Variants in GABRA4 observed in about 807,000 individuals in gnomAD.
The protein encoded by GABRA4 is gamma-aminobutyric acid receptor subunit alpha-4.
In GABRA4, 12 loss-of-function variants were observed where a neutral mutation model predicts 49.7. The ratio of observed to expected loss-of-function variants is 0.24; its 90% CI spans 0.15 to 0.39. The LOEUF (loss-of-function observed/expected upper bound fraction) is 0.39. GABRA4 is among the 10% of genes least tolerant of loss of function. The probability of loss-of-function intolerance (pLI) is 1.00; values close to 1 mark genes in which losing one functional copy is unlikely to be tolerated. For missense variants in GABRA4, 506 were observed against 686.0 expected, an observed-to-expected ratio of 0.74 and a Z score of 2.93; for synonymous variants, 288 against 240.2, an observed-to-expected ratio of 1.20 and a Z score of -1.84.
chr4:46,983,284 C>G (rs1028213369), intron 2 of GABRA4, among the ~76,000 whole-genome samples: 1 of 152,068 alleles, frequency 6.6e-6, no homozygotes, highest in Non-Finnish European at 1.5e-5. Context: ...CTGCTTTGTT[C>G]ATTAGTTTCT....
chr4:46,960,167 GA>G (rs1175706152), intron 8 of GABRA4, among the ~76,000 whole-genome samples: 1 of 151,128 alleles, frequency 6.6e-6, no homozygotes, highest in African/African-American at 2.4e-5. Flanking sequence ...AGAATTTGAG[GA>G]AAAAACATTA....
At chr4:46,938,114 G>T (rs893214804) in intron 8 of GABRA4, among the ~76,000 whole-genome samples, 18 of 152,116 alleles carry the variant, frequency 1.2e-4, no homozygotes, top group African/African-American at 3.4e-4. Context: ...AATATATATA[G>T]AGAGAGATCT....
In GABRA4 at chr4:46,919,969, C is replaced by T. The variant is rs911811635; in HGVS notation, c.*8256G>A. ...TTATCAACCAACAATTATTTTTCTG[C>T]CCCTTGAAAAATGAAAGCTCTGATT... On this transcript the variant is annotated 3_prime_UTR_variant, in exon 9 of 9. Transcript: ENST00000264318. The T allele has an allele frequency of 6.6e-6, 1 of 151,630 alleles. No homozygotes were observed. The highest frequency in any genetic ancestry group is 2.4e-5 in the African/African-American group (1 of 41,374). The allele number at this position is 151,630 out of a possible 1,614,324, so 9.4% of individuals were successfully genotyped here.
At chr4:46,936,309 G>A (rs1370382320) in intron 8 of GABRA4, among the ~76,000 whole-genome samples, 1 of 152,080 alleles carries the variant, frequency 6.6e-6, no homozygotes, top group Admixed American at 6.6e-5. Flanking sequence ...GAGTGCAATG[G>A]CGTAATCTTG....
chr4:46,986,837 G>C (rs1309885870), intron 2 of GABRA4, among the ~76,000 whole-genome samples: 3 of 152,032 alleles, frequency 2.0e-5, no homozygotes, highest in Non-Finnish European at 4.4e-5. Flanking sequence ...AATCAGCTTT[G>C]ACACCTCCCT....
In GABRA4 at chr4:46,925,663, T is replaced by TA; in HGVS notation, c.*2561dup. 1 of 150,532 alleles carries TA rather than the reference T, an allele frequency of 6.6e-6. No individual in the cohort carries two copies. The allele number at this position is 150,532 out of a possible 1,614,324, so 9.3% of individuals were successfully genotyped here. A position where few individuals can be genotyped will look rare whatever the true frequency, so the allele number is the denominator to read the frequency against. On this transcript the variant is annotated 3_prime_UTR_variant, in exon 9 of 9. Coordinates refer to ENST00000264318, the MANE Select transcript of GABRA4 (RefSeq NM_000809.4). ...GGGAAGATAGAAATAATGACCAAAA[T>TA]AAAAATCACTGAATGAATTTGATGA...
At chr4:46,949,716 G>T (rs947734428) in intron 8 of GABRA4, among the ~76,000 whole-genome samples, 1 of 152,036 alleles carries the variant, frequency 6.6e-6, no homozygotes, top group Non-Finnish European at 1.5e-5. Context: ...TGATGCAAGG[G>T]ATATTACCTA....
At chr4:46,965,261 C>G in intron 7 of GABRA4, 32 bp from the exon 8 acceptor site, 1 of 1,383,152 alleles carries the variant, frequency 7.2e-7, no homozygotes, top group South Asian at 2.1e-5. Context: ...AGACAAAACA[C>G]CTTACCATCA....
rs1006619357 is a variant in GABRA4 at position 46,923,421 on chromosome 4, T to G, written c.*4804A>C. The stretch of plus-strand genomic sequence containing the variant: ...CTTCTACATTTATAAAACTCTGTCT[T>G]TTAATCAAGCAATCTACTCTTCTAG... On this transcript the variant is annotated 3_prime_UTR_variant, in exon 9 of 9. Transcript: ENST00000264318. 11 of 152,174 alleles carry G rather than the reference T, an allele frequency of 7.2e-5. No individual in the cohort carries two copies. The highest frequency in any genetic ancestry group is 1.3e-4 in the Non-Finnish European group (9 of 68,016). 9.4% of individuals were successfully genotyped at this position (152,174 alleles called of 1,614,324 possible).
chr4:46,939,230 C>T (rs1721708937), intron 8 of GABRA4, among the ~76,000 whole-genome samples: 1 of 151,910 alleles, frequency 6.6e-6, no homozygotes, highest in South Asian at 2.1e-4. Context: ...CTAAATTTCC[C>T]TTCTCTTCTT....
intron 2 of GABRA4, among the ~76,000 whole-genome samples, chr4:46,988,885 T>A (rs1023430413): frequency 6.6e-6 from 1 of 152,060 alleles, no homozygotes; most frequent in African/African-American, 2.4e-5. Flanking sequence ...CACCAAGGAG[T>A]AGCTATAAAA....
chr4:46,922,869 C>G lies in GABRA4; in HGVS notation c.*5356G>C, dbSNP rs1393954430. 1 of 152,120 alleles carries G rather than the reference C, an allele frequency of 6.6e-6. No individual in the cohort carries two copies. The highest frequency in any genetic ancestry group is 1.5e-5 in the Non-Finnish European group (1 of 68,004). 9.4% of individuals were successfully genotyped at this position (152,120 alleles called of 1,614,324 possible). On this transcript the variant is annotated 3_prime_UTR_variant, in exon 9 of 9. Coordinates refer to ENST00000264318, the MANE Select transcript of GABRA4 (RefSeq NM_000809.4). ...GTTACAGAGCAGTGGTCCCCAACCC[C>G]TGGGCCACTGACCAGTACTTATCCA...
chr4:46,993,382 C>A lies in GABRA4; in HGVS notation c.43G>T (p.Gly15Trp). ...AAGCGCAGGAGGGCGAAACTGACCC[C>A]GGCGGACAGAGCGATCGCGGGTACC... ...KKVPAIALSA[G>W]VSFALLRFLC... The change falls in exon 1 of 9, where the codon GGG becomes TGG. Residue 15 changes from glycine to tryptophan, a missense_variant. Physicochemically the swap from Gly to Trp is radical, Grantham distance 184. Around this residue, in one of 5 missense-constraint regions of GABRA4, gnomAD observed 195 missense variants for 326.0 expected, o/e 0.60. Coordinates refer to ENST00000264318, the MANE Select transcript of GABRA4 (RefSeq NM_000809.4). 1 of 1,614,234 alleles carries A rather than the reference C, an allele frequency of 6.2e-7. No homozygotes were observed. Among genetic ancestry groups the A allele is most frequent in the African/African-American group, 1.3e-5 (1 of 75,060 alleles).
chr4:46,980,195 G>A (rs1306248668), intron 2 of GABRA4, among the ~76,000 whole-genome samples: 1 of 151,948 alleles, frequency 6.6e-6, no homozygotes, highest in Non-Finnish European at 1.5e-5. Flanking sequence ...GCATAATACA[G>A]CATTCTAATA....
At chr4:46,992,711 G>T (rs1723802726) in intron 2 of GABRA4, 117 bp downstream of exon 2, 2 of 782,520 alleles carry the variant, frequency 2.6e-6, no homozygotes, top group Admixed American at 3.8e-5. Context: ...GATAGAAAGA[G>T]AGAGAGATTT....
intron 2 of GABRA4, among the ~76,000 whole-genome samples, chr4:46,981,151 A>G (rs1359681560): frequency 2.0e-5 from 3 of 152,026 alleles, no homozygotes; most frequent in Non-Finnish European, 4.4e-5. Flanking sequence ...ACTTTACTCT[A>G]TTTTACAGTG....
chr4:46,972,352 C>T (rs188797563), intron 6 of GABRA4, among the ~76,000 whole-genome samples: 43 of 151,514 alleles, frequency 2.8e-4, no homozygotes, highest in Middle Eastern at 6.8e-3. Context: ...GGCTAAATTC[C>T]TTTTTAAAAA....
intron 4 of GABRA4, 61 bp downstream of exon 4, chr4:46,977,333 GAAGGAAGGAAGGAAGA>G (rs1386538639): frequency 2.6e-5 from 22 of 838,118 alleles, no homozygotes; most frequent in East Asian, 2.3e-4. Context: ...AGGGAGGAAG[GAAGGAAGGAAGGAAGA>G]AAGGAAAGGA....
In GABRA4 at chr4:46,920,348, C is replaced by T. The variant is rs1463583946; in HGVS notation, c.*7877G>A. 6.6e-6 allele frequency: 1 copy of T among 151,498 alleles called. No homozygotes were observed. The highest frequency in any genetic ancestry group is 2.4e-5 in the African/African-American group (1 of 41,332). 9.4% of individuals were successfully genotyped at this position (151,498 alleles called of 1,614,324 possible). ...AACATAACTTTGTTCAGGTATTTGCCAGTCTCCTTTAATGGATACTATAGT... is the reference window on the plus strand; with the variant it reads ...AACATAACTTTGTTCAGGTATTTGCTAGTCTCCTTTAATGGATACTATAGT... On this transcript the variant is annotated 3_prime_UTR_variant, in exon 9 of 9. Coordinates refer to ENST00000264318, the MANE Select transcript of GABRA4 (RefSeq NM_000809.4).
Sources: gnomAD v4.1 joint callset for allele counts (sites outside exome capture counted in the v4.1 genomes callset) on GRCh38, gnomAD v4.1.1 for gene constraint, gnomAD v4.1.1 regional missense constraint, MANE v1.5 for transcripts, NCBI Gene and HGNC (gene_info 2026-07-23, HGNC 2026-07-21) for gene names.